Variants in ARK2N observed in about 807,000 individuals in gnomAD.
ARK2N encodes the protein protein ARK2N.
At chr18:46,197,718 A>G in the ARK2N span, among the ~76,000 whole-genome samples, 1 of 152,070 alleles carries the variant, frequency 6.6e-6, no homozygotes, top group Non-Finnish European at 1.5e-5. Context: ...TAGTCGTTGG[A>G]TAACATCTGT....
At chr18:46,206,726 C>T in the ARK2N span, among the ~76,000 whole-genome samples, 4 of 152,152 alleles carry the variant, frequency 2.6e-5, no homozygotes, top group African/African-American at 7.2e-5. Flanking sequence ...ATGTTAGTAC[C>T]TTTTAACCCA....
the ARK2N span, among the ~76,000 whole-genome samples, chr18:46,183,770 A>G: frequency 6.6e-6 from 1 of 152,110 alleles, no homozygotes; most frequent in Non-Finnish European, 1.5e-5. Context: ...TTGGTGGGAA[A>G]ACTGACTCAA....
At chr18:46,200,095 C>T in the ARK2N span, among the ~76,000 whole-genome samples, 2,914 of 141,848 alleles carry the variant, frequency 0.021, 72 homozygotes, top group African/African-American at 0.069. Context: ...TGTGTGTGCG[C>T]GCGCGTGCTG....
chr18:46,212,910 A>T, the ARK2N span, among the ~76,000 whole-genome samples: 4 of 151,178 alleles, frequency 2.6e-5, no homozygotes, highest in African/African-American at 9.7e-5. Context: ...TCACAAATTG[A>T]GACTTTTGAT....
the ARK2N span, chr18:46,232,557 G>C: frequency 6.6e-6 from 1 of 152,134 alleles, no homozygotes; most frequent in African/African-American, 2.4e-5. Context: ...GAAGTTACGA[G>C]ATTGTGAATT....
the ARK2N span, among the ~76,000 whole-genome samples, chr18:46,238,693 G>A: frequency 6.6e-6 from 1 of 151,962 alleles, no homozygotes; most frequent in African/African-American, 2.4e-5. Flanking sequence ...TTTTATGTTT[G>A]GTCATTTTTT....
At chr18:46,190,943 G>A in the ARK2N span, among the ~76,000 whole-genome samples, 9 of 152,140 alleles carry the variant, frequency 5.9e-5, no homozygotes, top group African/African-American at 2.2e-4. Flanking sequence ...TTTTTTTAAA[G>A]CAAAAGTGAG....
At chr18:46,210,149 A>G in the ARK2N span, among the ~76,000 whole-genome samples, 1 of 152,200 alleles carries the variant, frequency 6.6e-6, no homozygotes, top group Non-Finnish European at 1.5e-5. Flanking sequence ...CATAGGAGAA[A>G]GACTGAGTTT....
At chr18:46,228,896 G>A in the ARK2N span, 14 of 398,158 alleles carry the variant, frequency 3.5e-5, no homozygotes, top group Non-Finnish European at 5.8e-5. Flanking sequence ...TTATATTCAA[G>A]GTAAGAATAA....
the ARK2N span, among the ~76,000 whole-genome samples, chr18:46,261,076 A>AT: frequency 0.01 from 1,528 of 152,348 alleles, 27 homozygotes; most frequent in African/African-American, 0.034. Context: ...CGTTGCCTGA[A>AT]TTCTTACCAG....
At chr18:46,201,378 A>G in the ARK2N span, among the ~76,000 whole-genome samples, 54 of 152,190 alleles carry the variant, frequency 3.5e-4, no homozygotes, top group African/African-American at 6.3e-4. Context: ...TTGAATATGT[A>G]TTTGTAGTTT....
the ARK2N span, among the ~76,000 whole-genome samples, chr18:46,176,400 A>G: frequency 7.4e-4 from 112 of 152,060 alleles, no homozygotes; most frequent in African/African-American, 2.7e-3. Context: ...ATTCATGTTT[A>G]CTGAATAGAC....
At chr18:46,206,092 CT>C in the ARK2N span, among the ~76,000 whole-genome samples, 6 of 148,042 alleles carry the variant, frequency 4.1e-5, no homozygotes, top group African/African-American at 1.2e-4. Context: ...TACCACCAAA[CT>C]TTTTTTTTTC....
At chr18:46,207,491 G>A in the ARK2N span, among the ~76,000 whole-genome samples, 2 of 149,174 alleles carry the variant, frequency 1.3e-5, no homozygotes, top group Non-Finnish European at 3.0e-5. Flanking sequence ...CTGGGTTCAA[G>A]CCATTCTCCC....
the ARK2N span, among the ~76,000 whole-genome samples, chr18:46,184,532 G>A: frequency 2.0e-5 from 3 of 152,156 alleles, no homozygotes; most frequent in African/African-American, 7.2e-5. Context: ...GACCAGACTG[G>A]GTAACATAGT....
At chr18:46,249,469 T>C in the ARK2N span, among the ~76,000 whole-genome samples, 1 of 151,840 alleles carries the variant, frequency 6.6e-6, no homozygotes, top group East Asian at 1.9e-4. Context: ...CCTGACCTCG[T>C]GATCCACCCG....
the ARK2N span, among the ~76,000 whole-genome samples, chr18:46,198,611 C>T: frequency 5.3e-5 from 8 of 151,578 alleles, no homozygotes; most frequent in Admixed American, 2.6e-4. Flanking sequence ...TGTCTTTTTT[C>T]TTTTTTGAGA....
the ARK2N span, among the ~76,000 whole-genome samples, chr18:46,198,864 T>A: frequency 6.6e-6 from 1 of 152,216 alleles, no homozygotes; most frequent in African/African-American, 2.4e-5. Context: ...CCCAAAGTGC[T>A]GGGATTACGG....
the ARK2N span, among the ~76,000 whole-genome samples, chr18:46,209,836 C>T: frequency 5.3e-5 from 8 of 152,194 alleles, no homozygotes; most frequent in African/African-American, 1.9e-4. Flanking sequence ...CCTCGTGATC[C>T]GCCTGCCTCG....
Sources: gnomAD v4.1 joint callset for allele counts (sites outside exome capture counted in the v4.1 genomes callset) on GRCh38, gnomAD v4.1.1 for gene constraint, MANE v1.5 for transcripts, NCBI Gene and HGNC (gene_info 2026-07-23, HGNC 2026-07-21) for gene names.